The following UBE2L3 variants were observed in gnomAD, a reference collection of about 807,000 sequenced individuals.
UBE2L3 encodes ubiquitin conjugating enzyme E2 L3.
UBE2L3 carries 1 observed loss-of-function variant against 17.8 expected under a neutral mutation model. The observed-to-expected ratio is 0.06, with a 90% CI of 0.02 to 0.27. The LOEUF is 0.27. UBE2L3 is among the 10% of genes least tolerant of loss of function. The probability of loss-of-function intolerance (pLI) is 1.00; values close to 1 mark genes in which losing one functional copy is unlikely to be tolerated. For synonymous variants in UBE2L3, 44 were observed against 68.5 expected, an observed-to-expected ratio of 0.64 and a Z score of 1.76; for missense variants, 40 against 192.6, an observed-to-expected ratio of 0.21 and a Z score of 4.69.
In UBE2L3 at chr22:21,621,681, A is replaced by G. The variant is rs375850573; in HGVS notation, c.*12A>G. 31 of 1,597,200 alleles carry G rather than the reference A, an allele frequency of 1.9e-5. No individual in the cohort carries two copies. The African/African-American group carries it at 3.9e-4, about 20-fold the overall frequency. On this transcript the variant is annotated 3_prime_UTR_variant, in exon 4 of 4. Coordinates refer to ENST00000342192, the MANE Select transcript of UBE2L3 (RefSeq NM_003347.4). ...GACCTGTGGACTAAAATCTGCCACG[A>G]TTGGTTCCAGCAAGTGTGAGCAGAG...
At chr22:21,562,996 C>CA (rs1163349589), upstream of UBE2L3, among the ~76,000 whole-genome samples, 1 of 151,646 alleles carries the variant, frequency 6.6e-6, no homozygotes, top group African/African-American at 2.4e-5. Flanking sequence ...GTAATCCCAG[C>CA]ACTTTGGGAG....
intron 3 of UBE2L3, among the ~76,000 whole-genome samples, chr22:21,613,762 A>T (rs1413435115): frequency 2.0e-5 from 3 of 152,160 alleles, no homozygotes; most frequent in African/African-American, 7.2e-5. Context: ...TTGAGGTGGG[A>T]ACTCAACTTG....
intron 2 of UBE2L3, among the ~76,000 whole-genome samples, chr22:21,596,561 G>C (rs933865624): frequency 6.6e-6 from 1 of 152,022 alleles, no homozygotes; most frequent in African/African-American, 2.4e-5. Flanking sequence ...TTTTGAGACA[G>C]AGCCTTGCTC....
chr22:21,610,387 A>G (rs1376676316), intron 2 of UBE2L3, among the ~76,000 whole-genome samples: 1 of 152,238 alleles, frequency 6.6e-6, no homozygotes, highest in Non-Finnish European at 1.5e-5. Context: ...CACAAAACCT[A>G]TAGAATGTGC....
Position 21,621,709 on chromosome 22 carries a change from C to G in UBE2L3, c.*40C>G. On this transcript the variant is annotated 3_prime_UTR_variant, in exon 4 of 4. Coordinates refer to ENST00000342192, the MANE Select transcript of UBE2L3 (RefSeq NM_003347.4). ...GGTTCCAGCAAGTGTGAGCAGAGAC[C>G]CCGTGCAGTGCATTCAGACACCCCG... The G allele has an allele frequency of 2.0e-6, 3 of 1,486,386 alleles. No individual in the cohort carries two copies. Among genetic ancestry groups the G allele is most frequent in the Non-Finnish European group, 2.8e-6 (3 of 1,078,270 alleles). 92.1% of individuals were successfully genotyped at this position (1,486,386 alleles called of 1,614,324 possible). A position where few individuals can be genotyped will look rare whatever the true frequency, so the allele number is the denominator to read the frequency against.
At chr22:21,612,428 C>T (rs1273010987) in intron 3 of UBE2L3, among the ~76,000 whole-genome samples, 1 of 152,004 alleles carries the variant, frequency 6.6e-6, no homozygotes, top group Non-Finnish European at 1.5e-5. Flanking sequence ...CGAGTTCGCG[C>T]CATTCTCCTG....
At chr22:21,594,502 A>G (rs1928423024) in intron 2 of UBE2L3, among the ~76,000 whole-genome samples, 2 of 151,578 alleles carry the variant, frequency 1.3e-5, no homozygotes, top group South Asian at 2.1e-4. Flanking sequence ...GATGCTGGTT[A>G]TAAGGTCATG....
chr22:21,572,787 C>T (rs1331757758), intron 1 of UBE2L3, among the ~76,000 whole-genome samples: 4 of 152,142 alleles, frequency 2.6e-5, no homozygotes, highest in Non-Finnish European at 5.9e-5. Flanking sequence ...GTCTTAGCTC[C>T]TCCTGTGACT....
chr22:21,606,281 T>C (rs112538951), intron 2 of UBE2L3, among the ~76,000 whole-genome samples: 1 of 148,520 alleles, frequency 6.7e-6, no homozygotes. Context: ...CCAAAAGTCA[T>C]GCAGGAAAGT....
At chr22:21,609,633 G>A (rs1474476723) in intron 2 of UBE2L3, among the ~76,000 whole-genome samples, 1 of 151,834 alleles carries the variant, frequency 6.6e-6, no homozygotes, top group Non-Finnish European at 1.5e-5. Context: ...GCTTGAGCCT[G>A]TGAAGTCAAG....
At chr22:21,559,099 C>A (rs1446730852) in intron 1 of UBE2L3, among the ~76,000 whole-genome samples, 2 of 151,662 alleles carry the variant, frequency 1.3e-5, no homozygotes, top group Admixed American at 6.6e-5. Flanking sequence ...CTAATCTCAG[C>A]AGTTTGGGAG....
At chr22:21,601,822 A>G (rs923398439) in intron 2 of UBE2L3, among the ~76,000 whole-genome samples, 1 of 151,788 alleles carries the variant, frequency 6.6e-6, no homozygotes, top group Admixed American at 6.6e-5. Context: ...ATACAAAAAA[A>G]TTAGCCGGGC....
chr22:21,612,643 CTT>C (rs57678378), intron 3 of UBE2L3, among the ~76,000 whole-genome samples: 72 of 52,470 alleles, frequency 1.4e-3, no homozygotes, highest in African/African-American at 3.1e-3. Flanking sequence ...CTTTTCTTTT[CTT>C]TTTTTTTTTT....
At chr22:21,579,684 TC>T (rs1377463329) in intron 1 of UBE2L3, among the ~76,000 whole-genome samples, 1 of 152,008 alleles carries the variant, frequency 6.6e-6, no homozygotes, top group Non-Finnish European at 1.5e-5. Context: ...GGTGGGAGGA[TC>T]ACTTGAGCTC....
chr22:21,555,748 A>T (rs1359776157), intron 1 of UBE2L3, among the ~76,000 whole-genome samples: 1 of 152,134 alleles, frequency 6.6e-6, no homozygotes, highest in Non-Finnish European at 1.5e-5. Context: ...CCTGGCCAAC[A>T]TGGTGAAACC....
At chr22:21,557,927 C>A (rs12168746) in intron 1 of UBE2L3, among the ~76,000 whole-genome samples, 25,038 of 150,720 alleles carry the variant, frequency 0.17, 493 homozygotes, top group East Asian at 0.36. Context: ...GTTAGAGGAC[C>A]TCTTGCCCAT....
At chr22:21,605,466 C>T (rs1259315221) in intron 2 of UBE2L3, among the ~76,000 whole-genome samples, 1 of 152,004 alleles carries the variant, frequency 6.6e-6, no homozygotes, top group African/African-American at 2.4e-5. Flanking sequence ...ATCCACCTGC[C>T]TCGGCCTTTT....
intron 2 of UBE2L3, among the ~76,000 whole-genome samples, chr22:21,594,309 A>G (rs1261349435): frequency 6.6e-6 from 1 of 151,760 alleles, no homozygotes; most frequent in Admixed American, 6.6e-5. Flanking sequence ...GGTCATGAGC[A>G]TGGAGCATGC....
chr22:21,607,588 C>T (rs982035623), intron 2 of UBE2L3, among the ~76,000 whole-genome samples: 1 of 150,972 alleles, frequency 6.6e-6, no homozygotes, highest in Non-Finnish European at 1.5e-5. Flanking sequence ...GTTGGGTGTG[C>T]CATGGCAAGT....
Sources: gnomAD v4.1 joint callset for allele counts (sites outside exome capture counted in the v4.1 genomes callset) on GRCh38, gnomAD v4.1.1 for gene constraint, MANE v1.5 for transcripts, NCBI Gene and HGNC (gene_info 2026-07-23, HGNC 2026-07-21) for gene names.